The following ENOX1 variants were observed in gnomAD, a reference collection of about 807,000 sequenced individuals.
The protein encoded by ENOX1 is ecto-NOX disulfide-thiol exchanger 1.
A neutral mutation model predicts 82.5 loss-of-function variants in ENOX1; 42 were observed. The observed-to-expected ratio is 0.51, with a 90% CI of 0.40 to 0.66. The LOEUF is 0.66. ENOX1 is among the 30% of genes least tolerant of loss of function. ENOX1 has a pLI of 0.00. For missense variants in ENOX1, 608 were observed against 811.6 expected, an observed-to-expected ratio of 0.75 and a Z score of 3.05; for synonymous variants, 271 against 282.2, an observed-to-expected ratio of 0.96 and a Z score of 0.40.
chr13:43,313,222 T>C (rs946136823), intron 11 of ENOX1, among the ~76,000 whole-genome samples: 1 of 152,212 alleles, frequency 6.6e-6, no homozygotes, highest in Non-Finnish European at 1.5e-5. Flanking sequence ...TCAACATTTC[T>C]GCCTGGTTTA....
intron 3 of ENOX1, among the ~76,000 whole-genome samples, chr13:43,445,705 G>A (rs1027142398): frequency 6.6e-6 from 1 of 152,088 alleles, no homozygotes; most frequent in Non-Finnish European, 1.5e-5. Flanking sequence ...AGCATAATAG[G>A]ACCATTACCA....
rs1049421406 is a variant in ENOX1, at chr13:43,350,217, G to A, written c.824-5467C>T. Reference sequence around the variant, plus strand: ...TCGAAACAGTTTTAACATTTTCTTGGTCTCCTTATTAATTAGTGAGTTAAA... The same window carrying A: ...TCGAAACAGTTTTAACATTTTCTTGATCTCCTTATTAATTAGTGAGTTAAA... On this transcript the variant is annotated intron_variant, in intron 8 of 16. Coordinates refer to ENST00000690772, the MANE Select transcript of ENOX1 (RefSeq NM_001347969.2). 3.0e-4 allele frequency among the ~76,000 whole-genome samples: 45 copies of A among 152,188 alleles called. 1 individual carries two copies. Among genetic ancestry groups the A allele is most frequent in the African/African-American group, 1.0e-3 (43 of 41,508 alleles).
chr13:43,764,348 T>C (rs895093310), intron 1 of ENOX1, among the ~76,000 whole-genome samples: 5 of 152,190 alleles, frequency 3.3e-5, no homozygotes, highest in African/African-American at 1.2e-4. Flanking sequence ...TAGAGGGCCT[T>C]ATATTCCACA....
intron 2 of ENOX1, among the ~76,000 whole-genome samples, chr13:43,651,905 T>C: frequency 7.2e-6 from 1 of 138,030 alleles, no homozygotes. Context: ...AACCCAGGAG[T>C]CGGAGGTTGC....
chr13:43,666,918 A>C (rs562371976), intron 2 of ENOX1, among the ~76,000 whole-genome samples: 16 of 152,300 alleles, frequency 1.1e-4, no homozygotes, highest in Non-Finnish European at 2.1e-4. Flanking sequence ...CTAAGGAGAG[A>C]CTAACCCAAT....
In ENOX1 at chr13:43,719,078, C is replaced by T. The variant is rs2088366440; in HGVS notation, c.-284-51534G>A. 2.6e-5 allele frequency among the ~76,000 whole-genome samples: 4 copies of T among 152,122 alleles called. No individual in the cohort carries two copies. In the South Asian group the frequency reaches 8.3e-4, roughly 32 times the overall value. On this transcript the variant is annotated intron_variant, in intron 1 of 16. Coordinates refer to ENST00000690772, the MANE Select transcript of ENOX1 (RefSeq NM_001347969.2). ...GATTTATCCCCTGAAGGCTCAGGGC[C>T]TGATTCCAAGCTGATCTAGATGTAA...
intron 3 of ENOX1, among the ~76,000 whole-genome samples, chr13:43,438,354 G>C (rs1440989561): frequency 6.6e-6 from 1 of 152,106 alleles, no homozygotes; most frequent in African/African-American, 2.4e-5. Context: ...GATGAAGAGA[G>C]GGAACAGATT....
intron 2 of ENOX1, among the ~76,000 whole-genome samples, chr13:43,570,055 TA>T (rs1420875184): frequency 7.2e-5 from 11 of 152,326 alleles, no homozygotes; most frequent in African/African-American, 2.6e-4. Flanking sequence ...CAGCATAGTT[TA>T]GGACACATTC....
At chr13:43,753,784 G>C (rs1950445775) in intron 1 of ENOX1, among the ~76,000 whole-genome samples, 1 of 152,154 alleles carries the variant, frequency 6.6e-6, no homozygotes, top group Non-Finnish European at 1.5e-5. Flanking sequence ...AACAGTTTCT[G>C]AAATGTGAAA....
At chr13:43,220,962 A>G (rs1443263830) in intron 16 of ENOX1, among the ~76,000 whole-genome samples, 1 of 152,220 alleles carries the variant, frequency 6.6e-6, no homozygotes, top group Non-Finnish European at 1.5e-5. Context: ...TCTCCTTTCC[A>G]TAGCCAAGAC....
intron 2 of ENOX1, among the ~76,000 whole-genome samples, chr13:43,620,423 C>G (rs1000507530): frequency 6.6e-6 from 1 of 151,934 alleles, no homozygotes; most frequent in Admixed American, 6.6e-5. Context: ...TGCTGTATCC[C>G]AAAGGTTTTG....
intron 3 of ENOX1, among the ~76,000 whole-genome samples, chr13:43,428,321 G>T (rs1371516396): frequency 6.6e-6 from 1 of 152,082 alleles, no homozygotes; most frequent in African/African-American, 2.4e-5. Context: ...AATCCAAATT[G>T]GGCTTAACTC....
At chr13:43,663,581 T>C (rs568945893) in intron 2 of ENOX1, among the ~76,000 whole-genome samples, 3 of 152,276 alleles carry the variant, frequency 2.0e-5, no homozygotes, top group South Asian at 2.1e-4. Flanking sequence ...ATCATAGTCA[T>C]GCAAAAATCA....
At position 43,326,549 on chromosome 13, in the gene ENOX1, C is replaced by T. The variant is rs747232244; in HGVS notation, c.1037-24G>A. The T allele has an allele frequency of 6.3e-6, 10 of 1,583,800 alleles. No homozygotes were observed. The South Asian group carries it at 1.1e-4, about 18-fold the overall frequency. ...AACTTTGGTGAACAAGGAAGTCAAA[C>T]AAGACAAGTAATTTATGTTGTGATC... On this transcript the variant is annotated intron_variant, in intron 9 of 16. Coordinates refer to ENST00000690772, the MANE Select transcript of ENOX1 (RefSeq NM_001347969.2).
intron 2 of ENOX1, among the ~76,000 whole-genome samples, chr13:43,601,442 A>T (rs2081717071): frequency 1.3e-5 from 2 of 152,030 alleles, no homozygotes; most frequent in Admixed American, 6.6e-5. Flanking sequence ...GATCAAGCAG[A>T]AGAAAGAATT....
chr13:43,594,651 A>C (rs973473843), intron 2 of ENOX1, among the ~76,000 whole-genome samples: 5 of 152,156 alleles, frequency 3.3e-5, no homozygotes, highest in African/African-American at 7.2e-5. Context: ...AGGTATTATT[A>C]TCTCCATTTT....
intron 2 of ENOX1, among the ~76,000 whole-genome samples, chr13:43,662,713 G>A (rs554876259): frequency 3.3e-5 from 5 of 152,014 alleles, no homozygotes; most frequent in Non-Finnish European, 2.9e-5. Flanking sequence ...TTCCTCTACC[G>A]TTTTAACAAA....
chr13:43,462,006 A>G (rs1446205398), intron 3 of ENOX1, among the ~76,000 whole-genome samples: 1 of 152,204 alleles, frequency 6.6e-6, no homozygotes, highest in Non-Finnish European at 1.5e-5. Context: ...ACTGAATAGC[A>G]ATAGCCAAGC....
intron 1 of ENOX1, among the ~76,000 whole-genome samples, chr13:43,770,000 T>C (rs1273443792): frequency 1.3e-5 from 2 of 152,186 alleles, no homozygotes; most frequent in Non-Finnish European, 2.9e-5. Flanking sequence ...CTAATAAGAA[T>C]TTACCCAAAT....
Sources: gnomAD v4.1 joint callset for allele counts (sites outside exome capture counted in the v4.1 genomes callset) on GRCh38, gnomAD v4.1.1 for gene constraint, MANE v1.5 for transcripts, NCBI Gene and HGNC (gene_info 2026-07-23, HGNC 2026-07-21) for gene names.